Variants in SERINC5 observed in about 807,000 individuals in gnomAD.
SERINC5 encodes the protein serine incorporator 5.
Under a neutral mutation model 63.1 loss-of-function variants are expected in SERINC5, and 41 were observed. The ratio of observed to expected loss-of-function variants is 0.65; its 90% CI spans 0.51 to 0.84. The LOEUF (loss-of-function observed/expected upper bound fraction) is 0.84. Among genes scored for constraint, SERINC5 ranks in the 40% least tolerant of loss-of-function variants. The pLI is 0.00. For synonymous variants in SERINC5, 222 were observed against 215.2 expected (o/e 1.03, Z -0.28); for missense variants, 523 against 573.0 (o/e 0.91, Z 0.89).
chr5:80,202,849 A>G (rs531776732), intron 2 of SERINC5, 37 bp downstream of exon 2: 33 of 1,579,226 alleles, frequency 2.1e-5, no homozygotes, highest in Middle Eastern at 1.7e-4. Flanking sequence ...CTCATCAAAC[A>G]TCGGAAATAG....
chr5:80,225,275 T>C (rs1292044172), intron 1 of SERINC5, among the ~76,000 whole-genome samples: 1 of 152,206 alleles, frequency 6.6e-6, no homozygotes, highest in Non-Finnish European at 1.5e-5. Context: ...CCCTATGCTG[T>C]TATCATCCAC....
chr5:80,195,754 T>C (rs1013387374), intron 2 of SERINC5, among the ~76,000 whole-genome samples: 4 of 152,240 alleles, frequency 2.6e-5, no homozygotes, highest in Admixed American at 2.0e-4. Context: ...AACATGTCAC[T>C]GTAAACAGAC....
At chr5:80,181,617 T>C (rs1451161158) in intron 2 of SERINC5, among the ~76,000 whole-genome samples, 2 of 152,108 alleles carry the variant, frequency 1.3e-5, no homozygotes, top group Non-Finnish European at 2.9e-5. Context: ...AGCCAACATT[T>C]TGTTTTCAGC....
At chr5:80,191,933 C>T (rs897045829) in intron 2 of SERINC5, among the ~76,000 whole-genome samples, 2 of 152,176 alleles carry the variant, frequency 1.3e-5, no homozygotes, top group African/African-American at 4.8e-5. Context: ...AATAACTGCA[C>T]ATAACGCATA....
intron 2 of SERINC5, among the ~76,000 whole-genome samples, chr5:80,180,642 T>C (rs574996956): frequency 1.6e-4 from 24 of 152,280 alleles, no homozygotes; most frequent in African/African-American, 5.5e-4. Flanking sequence ...GGAGAAGGCA[T>C]GCAGGAAAAG....
intron 2 of SERINC5, among the ~76,000 whole-genome samples, chr5:80,197,623 GT>G (rs1749593579): frequency 1.3e-5 from 2 of 152,112 alleles, no homozygotes; most frequent in African/African-American, 4.8e-5. Context: ...GGCTGCACAG[GT>G]CACCCATCCT....
chr5:80,171,102 C>T (rs913650897), intron 5 of SERINC5, among the ~76,000 whole-genome samples: 1 of 152,050 alleles, frequency 6.6e-6, no homozygotes, highest in African/African-American at 2.4e-5. Flanking sequence ...CCCCCGCCTC[C>T]CAGGTTCAAG....
intron 2 of SERINC5, among the ~76,000 whole-genome samples, chr5:80,202,429 A>C (rs1289768244): frequency 2.0e-5 from 3 of 152,142 alleles, no homozygotes; most frequent in Non-Finnish European, 2.9e-5. Context: ...AATGATGGAC[A>C]ATGATAGACA....
chr5:80,197,767 C>T (rs943615350), intron 2 of SERINC5, among the ~76,000 whole-genome samples: 3 of 152,228 alleles, frequency 2.0e-5, no homozygotes, highest in Non-Finnish European at 4.4e-5. Flanking sequence ...ACAGACGTTA[C>T]ACCTTGACTT....
At chr5:80,234,989 G>A (rs1440598753) in intron 1 of SERINC5, among the ~76,000 whole-genome samples, 1 of 152,104 alleles carries the variant, frequency 6.6e-6, no homozygotes, top group Non-Finnish European at 1.5e-5. Context: ...GTACAGTTCA[G>A]TAGTGTTAAG....
At chr5:80,208,372 A>T (rs545479417) in intron 1 of SERINC5, among the ~76,000 whole-genome samples, 1,831 of 28,220 alleles carry the variant, frequency 0.065, 18 homozygotes, top group Middle Eastern at 0.11. Flanking sequence ...AAACTGCTCT[A>T]AAAAAAAAAA....
At chr5:80,179,236 T>C (rs578020859) in intron 2 of SERINC5, among the ~76,000 whole-genome samples, 2 of 151,892 alleles carry the variant, frequency 1.3e-5, no homozygotes, top group Non-Finnish European at 2.9e-5. Flanking sequence ...GAGGCAGAGG[T>C]TGCAGCGAGC....
At chr5:80,137,667 C>A (rs750126830), downstream of SERINC5, among the ~76,000 whole-genome samples, 1 of 117,990 alleles carries the variant, frequency 8.5e-6, no homozygotes, top group Non-Finnish European at 1.9e-5. Context: ...GTGAGCTGGG[C>A]GCAGTGGCTC....
chr5:80,229,021 C>CTTTTTT (rs1166636996), intron 1 of SERINC5, among the ~76,000 whole-genome samples: 1 of 86,056 alleles, frequency 1.2e-5, no homozygotes, highest in Non-Finnish European at 2.3e-5. Context: ...TTTTACATAC[C>CTTTTTT]TTTTTTTTTT....
Position 80,163,975 on chromosome 5 carries a change from AT to A in SERINC5, c.859+2407del, listed in dbSNP as rs369753978. On this transcript the variant is annotated intron_variant, in intron 7 of 11. Coordinates refer to ENST00000507668, the MANE Select transcript of SERINC5 (RefSeq NM_001174072.3). The stretch of plus-strand genomic sequence containing the variant: ...AGTTCTCCCTTATATGTTTGGTAGG[AT>A]TTGGCTATGACTCCATTCGGTCCTG... 4.0e-3 allele frequency among the ~76,000 whole-genome samples: 604 copies of A among 152,162 alleles called. 10 individuals carry two copies. Among genetic ancestry groups the A allele is most frequent in the African/African-American group, 0.014 (572 of 41,512 alleles).
intron 11 of SERINC5, among the ~76,000 whole-genome samples, chr5:80,114,125 G>A (rs940768459): frequency 2.0e-5 from 3 of 151,940 alleles, no homozygotes; most frequent in Admixed American, 1.3e-4. Context: ...AAAGCTAAAC[G>A]TCTTCACCTA....
At chr5:80,194,445 A>G (rs1005783156) in intron 2 of SERINC5, among the ~76,000 whole-genome samples, 1 of 152,254 alleles carries the variant, frequency 6.6e-6, no homozygotes, top group Admixed American at 6.5e-5. Context: ...ATTTTGGATC[A>G]AAGCGGAATA....
At chr5:80,173,245 GGAAGGAAGGAAGGA>G (rs1747785261) in intron 5 of SERINC5, among the ~76,000 whole-genome samples, 2 of 143,710 alleles carry the variant, frequency 1.4e-5, no homozygotes, top group African/African-American at 5.8e-5. Flanking sequence ...AAGGAAGGAA[GGAAGGAAGGAAGGA>G]AGGAAGGAAG....
chr5:80,209,215 G>A (rs1750320017), intron 1 of SERINC5, among the ~76,000 whole-genome samples: 1 of 152,198 alleles, frequency 6.6e-6, no homozygotes, highest in Non-Finnish European at 1.5e-5. Context: ...AGGTTGCAGT[G>A]AGCCGAGATC....
Sources: allele counts gnomAD v4.1 joint callset (sites outside exome capture counted in the v4.1 genomes callset), GRCh38; gene constraint gnomAD v4.1.1; transcripts MANE v1.5; gene names NCBI Gene and HGNC (gene_info 2026-07-23, HGNC 2026-07-21).